NBPF11: variants seen among roughly 807,000 people sequenced by gnomAD.
NBPF11 encodes NBPF family member NBPF11.
Under a neutral mutation model 93.9 loss-of-function variants are expected in NBPF11, and 72 were observed. The ratio of observed to expected loss-of-function variants is 0.77; its 90% CI spans 0.63 to 0.93. NBPF11 has a LOEUF of 0.93. NBPF11 is among the 40% of genes least tolerant of loss of function. The probability of loss-of-function intolerance (pLI) is 0.00; values close to 1 mark genes in which losing one functional copy is unlikely to be tolerated. For synonymous variants in NBPF11, 224 were observed against 304.9 expected, an observed-to-expected ratio of 0.73 and a Z score of 2.76; for missense variants, 705 against 802.2, an observed-to-expected ratio of 0.88 and a Z score of 1.46.
intron 6 of NBPF11, among the ~76,000 whole-genome samples, chr1:148,124,450 C>A (rs1288073707): frequency 1.3e-5 from 2 of 148,168 alleles, no homozygotes; most frequent in African/African-American, 5.1e-5. Context: ...GAAATGAGGC[C>A]AGGTGCAGAT....
intron 2 of NBPF11, among the ~76,000 whole-genome samples, chr1:148,141,106 TAGA>T (rs1471890605): frequency 6.6e-6 from 1 of 151,786 alleles, no homozygotes; most frequent in Non-Finnish European, 1.5e-5. Flanking sequence ...GTCAAAAAGA[TAGA>T]AGTAGTAAAA....
chr1:148,141,486 T>A (rs1433433424), intron 2 of NBPF11, among the ~76,000 whole-genome samples: 4 of 152,252 alleles, frequency 2.6e-5, no homozygotes, highest in East Asian at 1.9e-4. Context: ...TACTTTTTTT[T>A]AATTAGGATG....
intron 4 of NBPF11, among the ~76,000 whole-genome samples, chr1:148,132,722 C>T (rs1670619418): frequency 1.9e-4 from 7 of 37,520 alleles, no homozygotes; most frequent in African/African-American, 5.9e-4. Context: ...TGTTGACTTT[C>T]CTTTTTTTTT....
chr1:148,124,590 A>G (rs1553272442), intron 6 of NBPF11, among the ~76,000 whole-genome samples: 3 of 151,656 alleles, frequency 2.0e-5, no homozygotes, highest in Non-Finnish European at 2.9e-5. Flanking sequence ...GGGTGGCAAT[A>G]GCACACCATT....
chr1:148,109,359 C>T (rs200869794), intron 16 of NBPF11, 24 bp from the exon 17 acceptor site: 544 of 1,042,828 alleles, frequency 5.2e-4, no homozygotes, highest in Middle Eastern at 1.2e-3. Context: ...CAGATGGGGC[C>T]TCTTACATTA....
intron 4 of NBPF11, among the ~76,000 whole-genome samples, chr1:148,127,615 C>A (rs1306927944): frequency 7.9e-6 from 1 of 127,004 alleles, no homozygotes; most frequent in Non-Finnish European, 1.6e-5. Context: ...AAAATGGAAT[C>A]ATTTAGTATG....
At chr1:148,146,170 C>G (rs1672988530) in intron 1 of NBPF11, among the ~76,000 whole-genome samples, 1 of 151,636 alleles carries the variant, frequency 6.6e-6, no homozygotes, top group Non-Finnish European at 1.5e-5. Context: ...CTTCCCACGG[C>G]ACGACATGGA....
rs1274603714 is a variant in NBPF11, at chr1:148,130,482, A to G, written c.-35-3444T>C. Among the ~76,000 whole-genome samples, 76 of 151,232 alleles carry G rather than the reference A, an allele frequency of 5.0e-4. 1 individual carries two copies. Among genetic ancestry groups the G allele is most frequent in the African/African-American group, 1.7e-3 (71 of 40,910 alleles). The stretch of plus-strand genomic sequence containing the variant: ...ATATATATTTATTTAGCCTTCTTTA[A>G]TTTTTCTCACCAATTGCTTTTAGGG... On this transcript the variant is annotated intron_variant, in intron 4 of 23. Coordinates refer to ENST00000682118, the MANE Select transcript of NBPF11 (RefSeq NM_001385469.3).
At chr1:148,130,714 T>C (rs1394207179) in intron 4 of NBPF11, among the ~76,000 whole-genome samples, 6 of 151,658 alleles carry the variant, frequency 4.0e-5, no homozygotes, top group Admixed American at 1.3e-4. Context: ...CGTTTACAAA[T>C]GGATGCACTA....
At chr1:148,121,976 G>A (rs1282539505) in intron 9 of NBPF11, 79 bp downstream of exon 9, 65,377 of 928,738 alleles carry the variant, frequency 0.07, 2,605 homozygotes, top group Admixed American at 0.15. Flanking sequence ...ATAACAATAT[G>A]TGTATATACA....
chr1:148,146,536 G>C, intron 1 of NBPF11: 1 of 1,603,514 alleles, frequency 6.2e-7, no homozygotes, highest in South Asian at 1.1e-5. Context: ...GCCTGGTGGG[G>C]CCGGGGCCGC....
At chr1:148,123,147 C>G (rs1273712915) in intron 7 of NBPF11, among the ~76,000 whole-genome samples, 144 of 152,098 alleles carry the variant, frequency 9.5e-4, no homozygotes, top group Non-Finnish European at 1.4e-3. Context: ...TGTCACAGTT[C>G]GCATTTCAAA....
At chr1:148,122,579 C>T in intron 8 of NBPF11, 150 bp downstream of exon 8, 22 of 1,193,406 alleles carry the variant, frequency 1.8e-5, no homozygotes, top group South Asian at 3.7e-5. Context: ...CAACAGCTGC[C>T]GCACCCTGTG....
At chr1:148,149,261 C>T in intron 1 of NBPF11, 1 of 1,596,036 alleles carries the variant, frequency 6.3e-7, no homozygotes, top group Non-Finnish European at 8.5e-7. Context: ...CGCGGTGGTG[C>T]TGCACTCGCC....
chr1:148,131,392 G>A (rs1367091660), intron 4 of NBPF11, among the ~76,000 whole-genome samples: 2 of 151,978 alleles, frequency 1.3e-5, no homozygotes, highest in African/African-American at 4.8e-5. Flanking sequence ...CCAAACCTCT[G>A]TGATTTAGCA....
Position 148,105,723 on chromosome 1 carries a change from C to CAG in NBPF11, c.2304-196_2304-195insCT, listed in dbSNP as rs782131407. Among the ~76,000 whole-genome samples the CAG allele has an allele frequency of 1.1e-3, 53 of 49,264 alleles. 1 individual carries two copies. The highest frequency in any genetic ancestry group is 4.1e-3 in the African/African-American group (31 of 7,578). 32.3% of individuals were successfully genotyped at this position (49,264 alleles called of 152,430 possible). ...GAAAAGAATGAAAGAGAAAGACAGACACACACACACACACACACACACAAA... is the reference window on the plus strand; with the variant it reads ...GAAAAGAATGAAAGAGAAAGACAGACAGACACACACACACACACACACACAAA... On this transcript the variant is annotated intron_variant, in intron 21 of 23. Transcript: ENST00000682118.
intron 9 of NBPF11, 26 bp downstream of exon 9, chr1:148,122,029 T>C (rs1667990938): frequency 2.7e-6 from 4 of 1,465,658 alleles, no homozygotes; most frequent in Non-Finnish European, 3.8e-6. Context: ...GACAGAGGTA[T>C]GAGACACAAG....
chr1:148,147,153 G>C (rs1465700766), intron 1 of NBPF11, among the ~76,000 whole-genome samples: 2 of 152,164 alleles, frequency 1.3e-5, no homozygotes, highest in Admixed American at 1.3e-4. Flanking sequence ...GTGGAGCCAG[G>C]CTCCCTGGGA....
chr1:148,120,586 C>A lies in NBPF11; in HGVS notation c.903G>T (p.Glu301Asp). ...TGAGGCTTCTGAACTGCTGTTTCTT[C>A]TCTGCCAGCTGGGGGCACAATTTCT... ...INEKLCPQLA[E>D]KKQQFRSLKE... The change falls in exon 10 of 24, where the codon GAG (glutamate) becomes GAT (aspartate). Residue 301 changes from glutamate (E) to aspartate (D), a missense_variant. Around this residue, in one of 12 missense-constraint regions of NBPF11, gnomAD observed 262 missense variants for 223.1 expected, o/e 1.17. Transcript: ENST00000682118. 6.9e-7 allele frequency: 1 copy of A among 1,455,174 alleles called. No individual in the cohort carries two copies. The highest frequency in any genetic ancestry group is 9.6e-7 in the Non-Finnish European group (1 of 1,036,386). 90.1% of individuals were successfully genotyped at this position (1,455,174 alleles called of 1,614,324 possible). A position where few individuals can be genotyped will look rare whatever the true frequency, so the allele number is the denominator to read the frequency against.
Sources: gnomAD v4.1 joint callset for allele counts (sites outside exome capture counted in the v4.1 genomes callset) on GRCh38, gnomAD v4.1.1 for gene constraint, gnomAD v4.1.1 regional missense constraint, MANE v1.5 for transcripts, NCBI Gene and HGNC (gene_info 2026-07-23, HGNC 2026-07-21) for gene names.